Variants in LYPLA1 observed in about 807,000 individuals in gnomAD.
LYPLA1 encodes the protein acyl-protein thioesterase 1.
LYPLA1 carries 17 observed loss-of-function variants against 34.0 expected under a neutral mutation model. That is an observed-to-expected ratio of 0.50 (90% CI 0.34 to 0.75). The LOEUF (loss-of-function observed/expected upper bound fraction) is 0.75. LYPLA1 is among the 30% of genes least tolerant of loss of function. The pLI is 0.01. For missense variants in LYPLA1, 203 were observed against 288.8 expected, an observed-to-expected ratio of 0.70 and a Z score of 2.15; for synonymous variants, 98 against 100.8, an observed-to-expected ratio of 0.97 and a Z score of 0.17.
chr8:54,073,600 T>A (rs1345780459), intron 2 of LYPLA1: 2 of 536,546 alleles, frequency 3.7e-6, no homozygotes, highest in Non-Finnish European at 6.7e-6. Context: ...GAAGTATAAT[T>A]TTAGATATCA....
At chr8:54,064,940 G>A (rs1040648591) in intron 3 of LYPLA1, among the ~76,000 whole-genome samples, 1 of 152,086 alleles carries the variant, frequency 6.6e-6, no homozygotes, top group East Asian at 1.9e-4. Context: ...ACTGACCTGG[G>A]CCACAGGTTG....
At chr8:54,091,587 AGGAAGGAAGGAAGGAAGG>A (rs1809282484) in intron 2 of LYPLA1, among the ~76,000 whole-genome samples, 5 of 137,060 alleles carry the variant, frequency 3.6e-5, no homozygotes, top group South Asian at 4.7e-4. Context: ...AAGAAAAGGA[AGGAAGGAAGGAAGGAAGG>A]AAGGAAGGAA....
chr8:54,049,393 A>T (rs1161968400), intron 8 of LYPLA1, among the ~76,000 whole-genome samples: 6 of 151,986 alleles, frequency 3.9e-5, no homozygotes, highest in African/African-American at 1.4e-4. Flanking sequence ...TCTCCTGTTT[A>T]TATTCATCCA....
chr8:54,058,189 TAGTTA>T (rs1478151247), intron 5 of LYPLA1, among the ~76,000 whole-genome samples: 10 of 152,210 alleles, frequency 6.6e-5, no homozygotes, highest in Admixed American at 6.5e-5. Flanking sequence ...GTGTTGTACG[TAGTTA>T]AGTTAATGGT....
In LYPLA1 at chr8:54,095,666, A is replaced by G. The variant is rs146906397; in HGVS notation, c.101+5242T>C. ...GTTATGGACACAGCAATACCCCTAT[A>G]GTGTTACTGTCAAAAAGGTATAAAT... On this transcript the variant is annotated intron_variant, in intron 2 of 8. Transcript: ENST00000316963. 8.0e-3 allele frequency among the ~76,000 whole-genome samples: 1,213 copies of G among 152,210 alleles called. 16 individuals are homozygous for G. Among genetic ancestry groups the G allele is most frequent in the African/African-American group, 0.027 (1,127 of 41,522 alleles).
At chr8:54,087,583 C>G (rs1057308469) in intron 2 of LYPLA1, among the ~76,000 whole-genome samples, 1 of 152,172 alleles carries the variant, frequency 6.6e-6, no homozygotes, top group African/African-American at 2.4e-5. Flanking sequence ...CAAAGACACC[C>G]CACGCAATGG....
chr8:54,101,766 C>T lies in LYPLA1; in HGVS notation c.58G>A (p.Ala20Thr). ...CCTACGCCACTCACCGCAGCGGTGGCCTTCCGGGCGGCGGGCACGATGGCG... is the reference window on the plus strand; with the variant it reads ...CCTACGCCACTCACCGCAGCGGTGGTCTTCCGGGCGGCGGGCACGATGGCG... ...LPAIVPAARK[A>T]TAAVIFLHGL... The change falls in exon 1 of 9, where the codon GCC (alanine) becomes ACC (threonine). Residue 20 changes from alanine to threonine, a missense_variant. Around this residue, in one of 3 missense-constraint regions of LYPLA1, gnomAD observed 75 missense variants for 73.5 expected, o/e 1.02. Transcript: ENST00000316963. 1.5e-6 allele frequency: 2 copies of T among 1,301,008 alleles called. No homozygotes were observed. The highest frequency in any genetic ancestry group is 2.0e-6 in the Non-Finnish European group (2 of 1,016,542). The allele number at this position is 1,301,008 out of a possible 1,614,324, so 80.6% of individuals were successfully genotyped here.
At chr8:54,087,499 G>A (rs1043709085) in intron 2 of LYPLA1, among the ~76,000 whole-genome samples, 3 of 152,152 alleles carry the variant, frequency 2.0e-5, no homozygotes, top group African/African-American at 7.2e-5. Context: ...TACTCTGTCT[G>A]AAACAAACAA....
intron 2 of LYPLA1, chr8:54,073,335 G>A (rs776658207): frequency 3.6e-5 from 31 of 852,738 alleles, no homozygotes; most frequent in East Asian, 9.7e-5. Flanking sequence ...AGCATGATGT[G>A]TGCAAAGAGA....
At chr8:54,095,189 G>C (rs559944027) in intron 2 of LYPLA1, among the ~76,000 whole-genome samples, 1 of 152,184 alleles carries the variant, frequency 6.6e-6, no homozygotes, top group East Asian at 1.9e-4. Flanking sequence ...TAGAGACGAG[G>C]TTTCGTCATG....
At chr8:54,092,137 G>A (rs926754185) in intron 2 of LYPLA1, among the ~76,000 whole-genome samples, 1 of 151,316 alleles carries the variant, frequency 6.6e-6, no homozygotes, top group Non-Finnish European at 1.5e-5. Context: ...CGGCAGAGGA[G>A]ATGGAAGAGG....
chr8:54,053,096 T>A, intron 6 of LYPLA1: 1 of 113,396 alleles, frequency 8.8e-6, no homozygotes, highest in Non-Finnish European at 1.6e-5. Context: ...TTGGTATTAC[T>A]TTTTTTTTTT....
intron 6 of LYPLA1, among the ~76,000 whole-genome samples, chr8:54,054,273 G>A (rs768789958): frequency 6.6e-6 from 1 of 152,106 alleles, no homozygotes; most frequent in Non-Finnish European, 1.5e-5. Context: ...GTGAGCCACC[G>A]TGCCTGGCCT....
intron 3 of LYPLA1, among the ~76,000 whole-genome samples, chr8:54,064,117 G>GT (rs1460066284): frequency 1.6e-5 from 2 of 123,792 alleles, no homozygotes; most frequent in African/African-American, 6.1e-5. Context: ...CCATTCCAAC[G>GT]TAATTAAGAA....
intron 2 of LYPLA1, among the ~76,000 whole-genome samples, chr8:54,088,199 T>C (rs1194756933): frequency 6.6e-6 from 1 of 152,236 alleles, no homozygotes; most frequent in Non-Finnish European, 1.5e-5. Context: ...ATAAAGTACA[T>C]TGATTTCTTT....
At chr8:54,046,235 T>C (rs1243401240), downstream of LYPLA1, 18 of 152,224 alleles carry the variant, frequency 1.2e-4, no homozygotes, top group Admixed American at 1.2e-3. Flanking sequence ...GGTTCCATTC[T>C]AAGTCAACCA....
chr8:54,065,685 A>G (rs1158753337), intron 3 of LYPLA1, 63 bp downstream of exon 3: 1 of 1,227,750 alleles, frequency 8.1e-7, no homozygotes, highest in Non-Finnish European at 1.2e-6. Flanking sequence ...TGGAAGGGTA[A>G]AGCAATCACA....
intron 2 of LYPLA1, among the ~76,000 whole-genome samples, chr8:54,092,450 C>A (rs984810442): frequency 3.3e-5 from 5 of 152,160 alleles, no homozygotes; most frequent in African/African-American, 1.2e-4. Flanking sequence ...CAATCAGAAA[C>A]TGGCAGTGGG....
At chr8:54,094,571 A>G (rs953525324) in intron 2 of LYPLA1, among the ~76,000 whole-genome samples, 2 of 152,234 alleles carry the variant, frequency 1.3e-5, no homozygotes, top group South Asian at 4.1e-4. Context: ...ACTAAAACTG[A>G]TATGTGTGTA....
Sources: gnomAD v4.1 joint callset for allele counts (sites outside exome capture counted in the v4.1 genomes callset) on GRCh38, gnomAD v4.1.1 for gene constraint, gnomAD v4.1.1 regional missense constraint, MANE v1.5 for transcripts, NCBI Gene and HGNC (gene_info 2026-07-23, HGNC 2026-07-21) for gene names.